Variants in THSD4 observed in about 807,000 individuals in gnomAD.
THSD4 encodes the protein thrombospondin type-1 domain-containing protein 4.
Under a neutral mutation model 119.0 loss-of-function variants are expected in THSD4, and 69 were observed. That is an observed-to-expected ratio of 0.58 (90% CI 0.48 to 0.71). The LOEUF (loss-of-function observed/expected upper bound fraction) is 0.71. Among genes scored for constraint, THSD4 ranks in the 30% least tolerant of loss-of-function variants. THSD4 has a pLI of 0.00. For missense variants in THSD4, 1,393 were observed against 1,391.1 expected, an observed-to-expected ratio of 1.00 and a Z score of -0.02; for synonymous variants, 524 against 540.4, an observed-to-expected ratio of 0.97 and a Z score of 0.42.
At chr15:71,369,947 C>A (rs1393939608) in intron 6 of THSD4, among the ~76,000 whole-genome samples, 1 of 152,098 alleles carries the variant, frequency 6.6e-6, no homozygotes, top group Non-Finnish European at 1.5e-5. Flanking sequence ...TACTTAGTGC[C>A]TCAATTTCAG....
intron 8 of THSD4, among the ~76,000 whole-genome samples, chr15:71,722,618 T>C (rs955226379): frequency 1.1e-4 from 16 of 152,200 alleles, no homozygotes; most frequent in African/African-American, 3.9e-4. Flanking sequence ...AGAGAAAATA[T>C]CTTTCACAAG....
chr15:71,326,277 A>G (rs1316945175), intron 6 of THSD4, among the ~76,000 whole-genome samples: 1 of 152,154 alleles, frequency 6.6e-6, no homozygotes, highest in Non-Finnish European at 1.5e-5. Flanking sequence ...TGAGTAAACT[A>G]CATGTCAAGG....
At position 71,409,146 on chromosome 15, in the gene THSD4, T is replaced by A. The variant is rs1333904526; in HGVS notation, c.1016-2541T>A. 5.0e-5 allele frequency among the ~76,000 whole-genome samples: 4 copies of A among 79,754 alleles called. 1 individual carries two copies. In the Admixed American group the frequency reaches 6.3e-4, roughly 13 times the overall value. 52.3% of individuals were successfully genotyped at this position (79,754 alleles called of 152,430 possible). A position where few individuals can be genotyped will look rare whatever the true frequency, so the allele number is the denominator to read the frequency against. On this transcript the variant is annotated intron_variant, in intron 6 of 17. Transcript: ENST00000261862. ...CTGCTGTAATTGTCTCACGTTTAGC[T>A]TTTTTTTTTCCCCCCCCCTCAGAAT...
chr15:71,224,586 TA>T (rs1025177921), intron 4 of THSD4, among the ~76,000 whole-genome samples: 1 of 152,086 alleles, frequency 6.6e-6, no homozygotes, highest in African/African-American at 2.4e-5. Flanking sequence ...CTTAGTTGCT[TA>T]AAAAAAACAC....
chr15:71,626,014 T>C (rs952191137), intron 7 of THSD4, among the ~76,000 whole-genome samples: 1 of 152,238 alleles, frequency 6.6e-6, no homozygotes, highest in African/African-American at 2.4e-5. Flanking sequence ...TTCTTTTACG[T>C]CCTTTTAGAG....
intron 6 of THSD4, among the ~76,000 whole-genome samples, chr15:71,373,870 C>T (rs746491617): frequency 6.6e-6 from 1 of 152,186 alleles, no homozygotes; most frequent in Non-Finnish European, 1.5e-5. Flanking sequence ...ATTATATACA[C>T]ACAAATGCTG....
Position 71,780,541 on chromosome 15 carries a change from G to GA in THSD4, c.*3177dup, listed in dbSNP as rs3214957. ...AAAAAAACAAACAAAAACACCAAAA[G>GA]AAAAAAAAAAGCCATTTAAAGCCAG... On this transcript the variant is annotated 3_prime_UTR_variant, in exon 18 of 18. Coordinates refer to ENST00000261862, the MANE Select transcript of THSD4 (RefSeq NM_024817.3). 2,931 of 299,686 alleles carry GA rather than the reference G, an allele frequency of 9.8e-3. No homozygotes were observed. Among genetic ancestry groups the GA allele is most frequent in the South Asian group, 0.018 (622 of 34,846 alleles). 18.6% of individuals were successfully genotyped at this position (299,686 alleles called of 1,614,324 possible). A position where few individuals can be genotyped will look rare whatever the true frequency, so the allele number is the denominator to read the frequency against.
At chr15:71,355,307 T>C (rs183606975) in intron 6 of THSD4, among the ~76,000 whole-genome samples, 45 of 152,350 alleles carry the variant, frequency 3.0e-4, no homozygotes, top group Admixed American at 2.7e-3. Context: ...AAGGAGCTCT[T>C]CTTTATTTGA....
chr15:71,225,033 T>C (rs142018597), intron 4 of THSD4, among the ~76,000 whole-genome samples: 2 of 152,296 alleles, frequency 1.3e-5, no homozygotes, highest in East Asian at 1.9e-4. Context: ...TGGGGTCTTA[T>C]GATTACTCAA....
chr15:71,311,848 GTCC>G (rs1214982462), intron 6 of THSD4, among the ~76,000 whole-genome samples: 2 of 151,948 alleles, frequency 1.3e-5, no homozygotes, highest in Admixed American at 1.3e-4. Flanking sequence ...ACCTATATCT[GTCC>G]TCCTCTTTCC....
intron 3 of THSD4, among the ~76,000 whole-genome samples, chr15:71,170,804 C>T (rs1393680030): frequency 6.6e-6 from 1 of 151,926 alleles, no homozygotes; most frequent in Non-Finnish European, 1.5e-5. Context: ...AAACCATATT[C>T]CATATATTCA....
chr15:71,415,838 C>T (rs1241165790), intron 7 of THSD4, among the ~76,000 whole-genome samples: 1 of 152,060 alleles, frequency 6.6e-6, no homozygotes, highest in Non-Finnish European at 1.5e-5. Flanking sequence ...ACTCTGTTGC[C>T]CAGGTTGAAG....
At chr15:71,698,959 C>A (rs992957392) in intron 8 of THSD4, among the ~76,000 whole-genome samples, 20 of 151,998 alleles carry the variant, frequency 1.3e-4, no homozygotes, top group Non-Finnish European at 2.5e-4. Context: ...TACAAAGTTT[C>A]AGTTATAAAA....
chr15:71,642,481 C>T (rs1450432598), intron 7 of THSD4, among the ~76,000 whole-genome samples: 1 of 152,084 alleles, frequency 6.6e-6, no homozygotes. Context: ...AATCATGCTG[C>T]TATAAAGACA....
intron 7 of THSD4, among the ~76,000 whole-genome samples, chr15:71,491,557 C>T (rs112070110): frequency 1.3e-5 from 2 of 152,182 alleles, no homozygotes; most frequent in African/African-American, 4.8e-5. Context: ...CTTTGGACTT[C>T]CCAGCCTCTA....
intron 7 of THSD4, among the ~76,000 whole-genome samples, chr15:71,442,940 C>G (rs2047130337): frequency 6.6e-6 from 1 of 151,396 alleles, no homozygotes; most frequent in Non-Finnish European, 1.5e-5. Context: ...CCTTCTTGTT[C>G]TTGCTAGACT....
chr15:71,392,251 A>G (rs959111517), intron 6 of THSD4, among the ~76,000 whole-genome samples: 2 of 152,224 alleles, frequency 1.3e-5, no homozygotes, highest in Non-Finnish European at 2.9e-5. Context: ...TAAAGCTTCC[A>G]AATGCAGACA....
intron 6 of THSD4, among the ~76,000 whole-genome samples, chr15:71,345,698 C>T (rs146799559): frequency 3.2e-4 from 49 of 151,950 alleles, no homozygotes; most frequent in African/African-American, 1.2e-3. Flanking sequence ...TTCCTTTAGG[C>T]AGTTGTTGCT....
At chr15:71,575,686 G>C (rs1353560917) in intron 7 of THSD4, among the ~76,000 whole-genome samples, 1 of 152,154 alleles carries the variant, frequency 6.6e-6, no homozygotes, top group African/African-American at 2.4e-5. Context: ...CCTCATTATT[G>C]TCTCTAAAGT....
Sources: allele counts gnomAD v4.1 joint callset (sites outside exome capture counted in the v4.1 genomes callset), GRCh38; gene constraint gnomAD v4.1.1; transcripts MANE v1.5; gene names NCBI Gene and HGNC (gene_info 2026-07-23, HGNC 2026-07-21).